MCMDC2: variants seen among roughly 807,000 people sequenced by gnomAD.
MCMDC2 encodes the protein minichromosome maintenance domain-containing protein 2.
In MCMDC2, 54 loss-of-function variants were observed where a neutral mutation model predicts 75.8. That is an observed-to-expected ratio of 0.71 (90% CI 0.57 to 0.89). The LOEUF (loss-of-function observed/expected upper bound fraction) is 0.89. MCMDC2 is among the 40% of genes least tolerant of loss of function. The probability of loss-of-function intolerance (pLI) is 0.00; values close to 1 mark genes in which losing one functional copy is unlikely to be tolerated. For missense variants in MCMDC2, 656 were observed against 780.4 expected (o/e 0.84, Z 1.90); for synonymous variants, 249 against 274.6 (o/e 0.91, Z 0.92).
At chr8:66,910,060 C>T (rs1813042281) in intron 14 of MCMDC2, among the ~76,000 whole-genome samples, 1 of 152,244 alleles carries the variant, frequency 6.6e-6, no homozygotes, top group South Asian at 2.1e-4. Flanking sequence ...TGGTGGCTTA[C>T]ACGTGGTGTT....
At chr8:66,885,161 G>A (rs148874076) in intron 9 of MCMDC2, among the ~76,000 whole-genome samples, 4,830 of 151,674 alleles carry the variant, frequency 0.032, 268 homozygotes, top group African/African-American at 0.11. Context: ...GTGAAACCCC[G>A]TCTCTACTAA....
Position 66,874,329 on chromosome 8 carries a change from C to A in MCMDC2, c.98C>A (p.Ser33Ter). 6.2e-7 allele frequency: 1 copy of A among 1,608,738 alleles called. No homozygotes were observed. The highest frequency in any genetic ancestry group is 8.5e-7 in the Non-Finnish European group (1 of 1,178,582). Residue 33 changes from serine to a stop codon, truncating the protein, a stop_gained, in exon 3 of 15, where the codon TCA (serine) becomes TAA (stop). Coordinates refer to ENST00000422365, the MANE Select transcript of MCMDC2 (RefSeq NM_173518.5). LOFTEE classifies it high-confidence loss of function. Reference sequence around the variant, plus strand: ...TTACATTTGTATATTTTCATAGATTCAAAACAAAGCTATGCTGTCTATCGA... The same window carrying A: ...TTACATTTGTATATTTTCATAGATTAAAAACAAAGCTATGCTGTCTATCGA... ...FIDDCKYYND[S>*]KQSYAVYRFK...
chr8:66,874,242 C>T lies in MCMDC2; in HGVS notation c.94+8C>T, dbSNP rs1406057562. On this transcript the variant is annotated splice_region_variant and intron_variant, in intron 2 of 14. Transcript: ENST00000422365. Reference sequence around the variant, plus strand: ...ATTGCAAGTACTACAATGGTACGTTCAGCAAAGGTGAGTTATTTTTAAAAC... The same window carrying T: ...ATTGCAAGTACTACAATGGTACGTTTAGCAAAGGTGAGTTATTTTTAAAAC... The T allele has an allele frequency of 1.2e-6, 2 of 1,609,378 alleles. No individual in the cohort carries two copies. Among genetic ancestry groups the T allele is most frequent in the African/African-American group, 1.3e-5 (1 of 74,644 alleles).
intron 9 of MCMDC2, among the ~76,000 whole-genome samples, chr8:66,885,071 A>G (rs7842008): frequency 1 from 152,287 of 152,288 alleles, 76,143 homozygotes; most frequent in Non-Finnish European, 1. Flanking sequence ...TGGTGGCTCA[A>G]GCCTGTAATC....
At chr8:66,915,465 T>TTTTATATATTTATATACATA (rs1813276765) in intron 14 of MCMDC2, among the ~76,000 whole-genome samples, 1 of 145,988 alleles carries the variant, frequency 6.8e-6, no homozygotes, top group Admixed American at 6.9e-5. Context: ...AAAAAAAAAG[T>TTTTATATATTTATATACATA]TTTATATATT....
At chr8:66,902,039 A>T (rs1415194157) in intron 13 of MCMDC2, among the ~76,000 whole-genome samples, 1 of 151,850 alleles carries the variant, frequency 6.6e-6, no homozygotes, top group African/African-American at 2.4e-5. Context: ...GTTCAAGACC[A>T]GCCTCAGGGC....
Position 66,896,929 on chromosome 8 carries a change from T to C in MCMDC2, c.1596T>C (p.Ser532=). The change falls in exon 12 of 15, where the codon TCT becomes TCC. Residue 532 remains serine, a synonymous_variant. Transcript: ENST00000422365. ...INPEGLFYAA[S]RQFTTEDFEK... ...CTGAAGGGCTGTTTTATGCGGCTTC[T>C]AGACAGTTCACAACTGAAGATTTTG... is the stretch of plus-strand genomic sequence containing the variant. 6.2e-7 allele frequency: 1 copy of C among 1,609,084 alleles called. No individual in the cohort carries two copies. Among genetic ancestry groups the C allele is most frequent in the South Asian group, 1.1e-5 (1 of 90,308 alleles).
At chr8:66,915,123 AG>A (rs1169762785) in intron 14 of MCMDC2, among the ~76,000 whole-genome samples, 1 of 152,092 alleles carries the variant, frequency 6.6e-6, no homozygotes, top group Non-Finnish European at 1.5e-5. Context: ...TGAGCCCAGG[AG>A]TTTGAAACCA....
At position 66,920,673 on chromosome 8, in the gene MCMDC2, A is replaced by G. The variant is rs1268494464; in HGVS notation, c.*1504A>G. 1 of 152,082 alleles carries G rather than the reference A, an allele frequency of 6.6e-6. No individual in the cohort carries two copies. The highest frequency in any genetic ancestry group is 1.5e-5 in the Non-Finnish European group (1 of 68,034). 9.4% of individuals were successfully genotyped at this position (152,082 alleles called of 1,614,324 possible). A position where few individuals can be genotyped will look rare whatever the true frequency, so the allele number is the denominator to read the frequency against. On this transcript the variant is annotated 3_prime_UTR_variant, in exon 15 of 15. Transcript: ENST00000422365. ...TATTTTATAAAACTAGGATCCTTTTACAATTGGAAAGTTTAAAAACTTTTT... is the reference window on the plus strand; with the variant it reads ...TATTTTATAAAACTAGGATCCTTTTGCAATTGGAAAGTTTAAAAACTTTTT...
At chr8:66,902,718 A>ATG (rs2130850901) in intron 13 of MCMDC2, among the ~76,000 whole-genome samples, 1 of 121,258 alleles carries the variant, frequency 8.2e-6, no homozygotes, top group South Asian at 2.8e-4. Context: ...AAAAATATAT[A>ATG]TATATATATA....
chr8:66,918,454 C>T (rs1813402449), intron 14 of MCMDC2, among the ~76,000 whole-genome samples: 1 of 152,148 alleles, frequency 6.6e-6, no homozygotes, highest in African/African-American at 2.4e-5. Flanking sequence ...TGAATCTGTC[C>T]TTTCCCCTAG....
At chr8:66,889,092 C>T (rs1451064213) in intron 9 of MCMDC2, among the ~76,000 whole-genome samples, 1 of 152,162 alleles carries the variant, frequency 6.6e-6, no homozygotes, top group African/African-American at 2.4e-5. Context: ...ATATTTTATA[C>T]CATCTACCTA....
intron 14 of MCMDC2, among the ~76,000 whole-genome samples, chr8:66,911,380 T>C (rs576365327): frequency 5.7e-4 from 87 of 152,322 alleles, no homozygotes; most frequent in African/African-American, 1.9e-3. Flanking sequence ...CCACTATGAC[T>C]GTAAGTGTCC....
At chr8:66,900,104 C>T (rs1292718905) in intron 12 of MCMDC2, among the ~76,000 whole-genome samples, 1 of 151,862 alleles carries the variant, frequency 6.6e-6, no homozygotes, top group Non-Finnish European at 1.5e-5. Context: ...CACGGCACTC[C>T]AGCCTGGGCG....
chr8:66,897,011 A>G (rs1812386842), intron 12 of MCMDC2, 52 bp downstream of exon 12: 1 of 1,495,074 alleles, frequency 6.7e-7, no homozygotes, highest in Non-Finnish European at 9.0e-7. Flanking sequence ...TGTTTCTCAA[A>G]TTATATAGAA....
intron 9 of MCMDC2, among the ~76,000 whole-genome samples, chr8:66,889,728 G>A (rs1023087694): frequency 6.6e-6 from 1 of 152,176 alleles, no homozygotes; most frequent in Non-Finnish European, 1.5e-5. Flanking sequence ...GAGCCTGGGA[G>A]GTGGAGGTTG....
intron 9 of MCMDC2, among the ~76,000 whole-genome samples, chr8:66,885,115 T>C (rs1347002488): frequency 1.3e-5 from 2 of 151,910 alleles, no homozygotes; most frequent in Non-Finnish European, 2.9e-5. Context: ...GGGTGGATCA[T>C]GAGGTCAGGA....
In MCMDC2 at chr8:66,921,120, A is replaced by G. The variant is rs1341879572; in HGVS notation, c.*1951A>G. 2.0e-5 allele frequency: 3 copies of G among 152,150 alleles called. No individual in the cohort carries two copies. The highest frequency in any genetic ancestry group is 4.4e-5 in the Non-Finnish European group (3 of 68,026). 9.4% of individuals were successfully genotyped at this position (152,150 alleles called of 1,614,324 possible). On this transcript the variant is annotated 3_prime_UTR_variant, in exon 15 of 15. Coordinates refer to ENST00000422365, the MANE Select transcript of MCMDC2 (RefSeq NM_173518.5). ...CCTCAGTCTCAAAGATGGTTACTTCACCACAAAAAAATTAAAATGTTTAAG... is the reference window on the plus strand; with the variant it reads ...CCTCAGTCTCAAAGATGGTTACTTCGCCACAAAAAAATTAAAATGTTTAAG...
chr8:66,921,104 CAA>C lies in MCMDC2; in HGVS notation c.*1937_*1938del, dbSNP rs1349154050. On this transcript the variant is annotated 3_prime_UTR_variant, in exon 15 of 15. Transcript: ENST00000422365. Reference sequence around the variant, plus strand: ...AGCTCAAAAAACCCAACCTCAGTCTCAAAGATGGTTACTTCACCACAAAAAAA... The same window carrying C: ...AGCTCAAAAAACCCAACCTCAGTCTCAGATGGTTACTTCACCACAAAAAAA... 3.9e-5 allele frequency: 6 copies of C among 152,118 alleles called. No individual in the cohort carries two copies. The highest frequency in any genetic ancestry group is 1.4e-4 in the African/African-American group (6 of 41,402). The allele number at this position is 152,118 out of a possible 1,614,324, so 9.4% of individuals were successfully genotyped here. A position where few individuals can be genotyped will look rare whatever the true frequency, so the allele number is the denominator to read the frequency against.
Sources: gnomAD v4.1 joint callset for allele counts (sites outside exome capture counted in the v4.1 genomes callset) on GRCh38, gnomAD v4.1.1 for gene constraint, MANE v1.5 for transcripts, NCBI Gene and HGNC (gene_info 2026-07-23, HGNC 2026-07-21) for gene names.